Variants in PCSK2 observed in about 807,000 individuals in gnomAD.
The protein encoded by PCSK2 is proprotein convertase subtilisin/kexin type 2.
In PCSK2, 14 loss-of-function variants were observed where a neutral mutation model predicts 69.7. The ratio of observed to expected loss-of-function variants is 0.20; its 90% CI spans 0.13 to 0.31. The LOEUF is 0.31. Ranked by LOEUF, PCSK2 falls within the 10% of genes least tolerant of loss-of-function variation. The pLI is 1.00. For missense variants in PCSK2, 544 were observed against 842.5 expected (o/e 0.65, Z 4.39); for synonymous variants, 307 against 320.7 (o/e 0.96, Z 0.46).
intron 8 of PCSK2, among the ~76,000 whole-genome samples, chr20:17,448,893 C>CTT (rs11468966): frequency 7.3e-6 from 1 of 136,462 alleles, no homozygotes; most frequent in Non-Finnish European, 1.6e-5. Flanking sequence ...ATGCACTTGC[C>CTT]TTTTTTTTTT....
intron 2 of PCSK2, among the ~76,000 whole-genome samples, chr20:17,338,170 T>G (rs1165685722): frequency 1.0e-5 from 1 of 99,784 alleles, no homozygotes; most frequent in Non-Finnish European, 2.2e-5. Context: ...TACATTTTTT[T>G]TGGGGGGGGG....
intron 5 of PCSK2, among the ~76,000 whole-genome samples, chr20:17,399,274 C>T (rs1418629356): frequency 2.0e-5 from 3 of 152,166 alleles, no homozygotes; most frequent in Non-Finnish European, 4.4e-5. Flanking sequence ...GGAGTCAAAG[C>T]CACAAATTTT....
At chr20:17,240,692 T>G (rs1446316385) in intron 1 of PCSK2, among the ~76,000 whole-genome samples, 1 of 152,222 alleles carries the variant, frequency 6.6e-6, no homozygotes, top group Non-Finnish European at 1.5e-5. Context: ...CCCCTCTACG[T>G]GTCTCATTAC....
At chr20:17,376,886 A>G (rs1271402596) in intron 5 of PCSK2, among the ~76,000 whole-genome samples, 2 of 152,230 alleles carry the variant, frequency 1.3e-5, no homozygotes, top group African/African-American at 4.8e-5. Context: ...TATTATTGCA[A>G]GTAATACCAG....
chr20:17,390,216 G>A (rs1043781957), intron 5 of PCSK2, among the ~76,000 whole-genome samples: 5 of 152,174 alleles, frequency 3.3e-5, no homozygotes, highest in Admixed American at 2.0e-4. Flanking sequence ...CAGATACAGC[G>A]ATAGAGATCA....
At chr20:17,350,324 T>C (rs1297257393) in intron 2 of PCSK2, among the ~76,000 whole-genome samples, 2 of 151,566 alleles carry the variant, frequency 1.3e-5, no homozygotes, top group Admixed American at 1.3e-4. Flanking sequence ...AAGGACATCA[T>C]AGATTAATAA....
At chr20:17,263,814 C>T (rs569307022) in intron 2 of PCSK2, among the ~76,000 whole-genome samples, 73 of 152,192 alleles carry the variant, frequency 4.8e-4, no homozygotes, top group African/African-American at 1.6e-3. Flanking sequence ...GGCACCAAAG[C>T]GGGACAATGT....
At chr20:17,282,768 G>A (rs1201965701) in intron 2 of PCSK2, among the ~76,000 whole-genome samples, 1 of 151,990 alleles carries the variant, frequency 6.6e-6, no homozygotes, top group South Asian at 2.1e-4. Flanking sequence ...AAAAAGAAAG[G>A]GTTATGCCAG....
rs576994315 is a variant in PCSK2, at chr20:17,369,555, G to C, written c.543+278G>C. ...CATGCACACACAGACAGCCACATGG[G>C]CAGCCACACTGGAACTGTCCATCCC... On this transcript the variant is annotated intron_variant, in intron 5 of 11. Transcript: ENST00000262545. Among the ~76,000 whole-genome samples, 26 of 152,312 alleles carry C rather than the reference G, an allele frequency of 1.7e-4. 1 individual carries two copies. The South Asian group carries it at 5.4e-3, about 32-fold the overall frequency.
At chr20:17,375,243 G>T (rs541819353) in intron 5 of PCSK2, among the ~76,000 whole-genome samples, 3 of 152,202 alleles carry the variant, frequency 2.0e-5, no homozygotes, top group African/African-American at 4.8e-5. Flanking sequence ...CAGTGCAGTT[G>T]TTCATTGGAC....
At chr20:17,420,792 C>T (rs1437118773) in intron 6 of PCSK2, among the ~76,000 whole-genome samples, 4 of 151,994 alleles carry the variant, frequency 2.6e-5, no homozygotes, top group African/African-American at 9.7e-5. Context: ...ATGAGTGATC[C>T]CTGAATCAGT....
rs1039122879 is a variant in PCSK2, at chr20:17,411,405, G to A, written c.620+2066G>A. On this transcript the variant is annotated intron_variant, in intron 6 of 11. Coordinates refer to ENST00000262545, the MANE Select transcript of PCSK2 (RefSeq NM_002594.5). ...CCATGTCTGGGTTGGCAGGTCCCAC[G>A]CCCATGGAGCTTTGCTCACTGCTAG... Among the ~76,000 whole-genome samples the A allele has an allele frequency of 5.3e-5, 8 of 152,220 alleles. No individual in the cohort carries two copies. In the East Asian group the frequency reaches 7.7e-4, roughly 15 times the overall value.
chr20:17,481,527 C>A, intron 11 of PCSK2, 57 bp from the exon 12 acceptor site: 4 of 1,548,250 alleles, frequency 2.6e-6, no homozygotes, highest in Non-Finnish European at 3.5e-6. Flanking sequence ...CCCTCAAAAT[C>A]CCTTGTAAGG....
intron 2 of PCSK2, among the ~76,000 whole-genome samples, chr20:17,275,772 A>T (rs2123034371): frequency 6.6e-6 from 1 of 152,266 alleles, no homozygotes. Context: ...GGGTGAATTC[A>T]GAACTCTTGT....
intron 11 of PCSK2, among the ~76,000 whole-genome samples, chr20:17,469,651 C>A (rs1344622780): frequency 1.3e-5 from 2 of 152,118 alleles, no homozygotes; most frequent in Non-Finnish European, 2.9e-5. Context: ...TGACCTTGAC[C>A]TTAATCAGCT....
intron 2 of PCSK2, among the ~76,000 whole-genome samples, chr20:17,345,083 G>C (rs544846229): frequency 6.6e-6 from 1 of 152,260 alleles, no homozygotes; most frequent in African/African-American, 2.4e-5. Flanking sequence ...TTTTCAAATA[G>C]AGACATAATC....
At chr20:17,343,622 C>T (rs906866667) in intron 2 of PCSK2, among the ~76,000 whole-genome samples, 2 of 152,150 alleles carry the variant, frequency 1.3e-5, no homozygotes, top group South Asian at 2.1e-4. Context: ...AGGTTTTAGA[C>T]GAAATGAAAG....
At chr20:17,361,540 C>T (rs937368788) in intron 4 of PCSK2, among the ~76,000 whole-genome samples, 2 of 152,168 alleles carry the variant, frequency 1.3e-5, no homozygotes, top group Non-Finnish European at 2.9e-5. Flanking sequence ...GCATTATTGA[C>T]CCAATTATAT....
intron 2 of PCSK2, among the ~76,000 whole-genome samples, chr20:17,324,158 C>T (rs946706073): frequency 6.6e-6 from 1 of 152,180 alleles, no homozygotes; most frequent in African/African-American, 2.4e-5. Flanking sequence ...GTATTGGCTG[C>T]CTTTTCTCCC....
Sources: gnomAD v4.1 joint callset for allele counts (sites outside exome capture counted in the v4.1 genomes callset) on GRCh38, gnomAD v4.1.1 for gene constraint, MANE v1.5 for transcripts, NCBI Gene and HGNC (gene_info 2026-07-23, HGNC 2026-07-21) for gene names.